The following PRKD3 variants were observed in gnomAD, a reference collection of about 807,000 sequenced individuals.
The protein encoded by PRKD3 is serine/threonine-protein kinase D3.
Under a neutral mutation model 99.2 loss-of-function variants are expected in PRKD3, and 47 were observed. The observed-to-expected ratio is 0.47, with a 90% CI of 0.38 to 0.60. The LOEUF (loss-of-function observed/expected upper bound fraction) is 0.60, where lower values mean the gene tolerates loss of function less well. Ranked by LOEUF, PRKD3 falls within the 20% of genes least tolerant of loss-of-function variation. PRKD3 has a pLI of 0.00. For synonymous variants in PRKD3, 392 were observed against 355.4 expected (o/e 1.10, Z -1.16); for missense variants, 1,019 against 1,088.4 (o/e 0.94, Z 0.90).
intron 11 of PRKD3, among the ~76,000 whole-genome samples, chr2:37,273,318 TC>T (rs2148536726): frequency 6.6e-6 from 1 of 152,232 alleles, no homozygotes; most frequent in East Asian, 1.9e-4. Flanking sequence ...CTGTGAAACA[TC>T]CATCTACTTA....
chr2:37,262,362 C>T (rs1668529193), intron 14 of PRKD3, among the ~76,000 whole-genome samples: 1 of 152,150 alleles, frequency 6.6e-6, no homozygotes, highest in Non-Finnish European at 1.5e-5. Context: ...CTCTGAGGCA[C>T]AGATTGTTTC....
At chr2:37,253,421 GT>G (rs138987723) in intron 18 of PRKD3, 71 bp from the exon 19 acceptor site, 289 of 1,307,352 alleles carry the variant, frequency 2.2e-4, no homozygotes, top group East Asian at 5.5e-4. Flanking sequence ...TTTGTTTTGT[GT>G]TTTTTTTTGT....
rs1022450352 is a variant in PRKD3 at position 37,252,990 on chromosome 2, ACTT to A, written c.*184_*186del. 9 of 474,902 alleles carry A rather than the reference ACTT, an allele frequency of 1.9e-5. No individual in the cohort carries two copies. The highest frequency in any genetic ancestry group is 1.8e-4 in the South Asian group (2 of 11,212). The allele number at this position is 474,902 out of a possible 1,614,324, so 29.4% of individuals were successfully genotyped here. A position where few individuals can be genotyped will look rare whatever the true frequency, so the allele number is the denominator to read the frequency against. On this transcript the variant is annotated 3_prime_UTR_variant, in exon 19 of 19. Coordinates refer to ENST00000234179, the MANE Select transcript of PRKD3 (RefSeq NM_005813.6). ...AAAGCTTCACCTTGATTCCATTATG[ACTT>A]CTTATTATTCAGTTTCCCGCCTGTA...
intron 2 of PRKD3, among the ~76,000 whole-genome samples, chr2:37,307,243 A>T (rs201377236): frequency 6.6e-6 from 1 of 152,224 alleles, no homozygotes; most frequent in East Asian, 1.9e-4. Flanking sequence ...AGACTATAAC[A>T]TTTGCCAGTA....
At chr2:37,318,453 G>C (rs780907485) in intron 1 of PRKD3, among the ~76,000 whole-genome samples, 1 of 152,192 alleles carries the variant, frequency 6.6e-6, no homozygotes. Flanking sequence ...TTATTAATAG[G>C]TGGAGCGGGA....
intron 2 of PRKD3, among the ~76,000 whole-genome samples, chr2:37,309,870 C>T (rs1287064717): frequency 7.0e-6 from 1 of 142,270 alleles, no homozygotes; most frequent in South Asian, 2.2e-4. Flanking sequence ...AAAAAAAAGG[C>T]AGCACATTAT....
intron 2 of PRKD3, among the ~76,000 whole-genome samples, chr2:37,298,680 A>G (rs188826686): frequency 6.6e-6 from 1 of 152,120 alleles, no homozygotes; most frequent in Non-Finnish European, 1.5e-5. Flanking sequence ...TATTTTATTT[A>G]TAGCTATTGT....
chr2:37,317,566 C>G (rs973599468), intron 1 of PRKD3, among the ~76,000 whole-genome samples: 1 of 151,872 alleles, frequency 6.6e-6, no homozygotes, highest in East Asian at 1.9e-4. Context: ...TACATGCCAC[C>G]CCACCACACA....
chr2:37,320,567 G>A (rs1246070114), intron 1 of PRKD3, among the ~76,000 whole-genome samples: 1 of 151,680 alleles, frequency 6.6e-6, no homozygotes, highest in Non-Finnish European at 1.5e-5. Flanking sequence ...CAGTAGCTGG[G>A]ATTACAGGTG....
chr2:37,276,113 C>T (rs962412575), intron 9 of PRKD3, among the ~76,000 whole-genome samples: 4 of 152,154 alleles, frequency 2.6e-5, no homozygotes, highest in South Asian at 2.1e-4. Flanking sequence ...TACATGCACA[C>T]ATGAATACAT....
intron 14 of PRKD3, among the ~76,000 whole-genome samples, chr2:37,263,838 C>CT (rs913692865): frequency 5.9e-5 from 9 of 151,944 alleles, no homozygotes; most frequent in African/African-American, 1.9e-4. Context: ...GAATTCTCAT[C>CT]TTTTTTTTAA....
At chr2:37,271,821 G>A (rs1669285800) in intron 12 of PRKD3, among the ~76,000 whole-genome samples, 1 of 152,190 alleles carries the variant, frequency 6.6e-6, no homozygotes, top group Admixed American at 6.5e-5. Context: ...GTTAGGGACT[G>A]CTGGTCTACA....
chr2:37,304,214 A>G (rs1207903117), intron 2 of PRKD3, among the ~76,000 whole-genome samples: 3 of 151,894 alleles, frequency 2.0e-5, no homozygotes, highest in Non-Finnish European at 4.4e-5. Context: ...AAAAAAAAAA[A>G]AAGAAGTGTT....
At chr2:37,274,106 C>T (rs1190305815) in intron 11 of PRKD3, among the ~76,000 whole-genome samples, 7 of 152,178 alleles carry the variant, frequency 4.6e-5, no homozygotes, top group Admixed American at 2.0e-4. Flanking sequence ...TCATTTAATA[C>T]TGACAACCTT....
intron 17 of PRKD3, 151 bp downstream of exon 17, chr2:37,256,511 A>C (rs939702266): frequency 9.3e-7 from 1 of 1,078,978 alleles, no homozygotes. Context: ...AGTGCTCAAA[A>C]AACTGGTAAC....
intron 2 of PRKD3, among the ~76,000 whole-genome samples, chr2:37,310,098 A>G (rs529906515): frequency 6.6e-6 from 1 of 152,308 alleles, no homozygotes; most frequent in Admixed American, 6.5e-5. Context: ...GAGAAAACAG[A>G]TTTTGACATA....
At chr2:37,300,387 G>A (rs1192994755) in intron 2 of PRKD3, among the ~76,000 whole-genome samples, 1 of 152,040 alleles carries the variant, frequency 6.6e-6, no homozygotes. Context: ...GGTAGTGGGT[G>A]GGGGGAATAA....
intron 2 of PRKD3, among the ~76,000 whole-genome samples, chr2:37,301,125 G>C (rs928901938): frequency 1.3e-5 from 2 of 152,004 alleles, no homozygotes; most frequent in Admixed American, 6.6e-5. Context: ...TTAATGGATT[G>C]ATCATCTTTA....
chr2:37,299,768 C>T (rs1345740846), intron 2 of PRKD3, among the ~76,000 whole-genome samples: 3 of 151,786 alleles, frequency 2.0e-5, no homozygotes, highest in African/African-American at 4.8e-5. Flanking sequence ...TACAAATGCC[C>T]GATTGGTATA....
Sources: allele counts gnomAD v4.1 joint callset (sites outside exome capture counted in the v4.1 genomes callset), GRCh38; gene constraint gnomAD v4.1.1; transcripts MANE v1.5; gene names NCBI Gene and HGNC (gene_info 2026-07-23, HGNC 2026-07-21).